Variants in CAMKMT observed in about 807,000 individuals in gnomAD.
CAMKMT encodes the protein CaM KMT.
A neutral mutation model predicts 48.0 loss-of-function variants in CAMKMT; 53 were observed. The ratio of observed to expected loss-of-function variants is 1.10; its 90% CI spans 0.89 to 1.39. The LOEUF (loss-of-function observed/expected upper bound fraction) is 1.39. Among genes scored for constraint, CAMKMT ranks in the 40% most tolerant of loss-of-function variants. The pLI, the probability that CAMKMT is intolerant of heterozygous loss-of-function variation, is 0.00. For missense variants in CAMKMT, 428 were observed against 402.7 expected (o/e 1.06, Z -0.54); for synonymous variants, 165 against 152.3 (o/e 1.08, Z -0.61).
At chr2:44,374,468 C>G (rs1679482395) in intron 2 of CAMKMT, among the ~76,000 whole-genome samples, 1 of 152,134 alleles carries the variant, frequency 6.6e-6, no homozygotes, top group African/African-American at 2.4e-5. Flanking sequence ...GTATAAAGTT[C>G]TAAAACTTAT....
At chr2:44,560,353 C>G (rs1181529862) in intron 3 of CAMKMT, among the ~76,000 whole-genome samples, 1 of 152,220 alleles carries the variant, frequency 6.6e-6, no homozygotes, top group African/African-American at 2.4e-5. Context: ...ATGATCATAG[C>G]TCACTCCTGG....
At chr2:44,595,998 C>G (rs1670632050) in intron 3 of CAMKMT, among the ~76,000 whole-genome samples, 1 of 147,620 alleles carries the variant, frequency 6.8e-6, no homozygotes, top group African/African-American at 2.5e-5. Context: ...AGGTGGGGGA[C>G]TGGGGGAGGA....
chr2:44,405,737 G>A (rs939374652), intron 3 of CAMKMT, among the ~76,000 whole-genome samples: 1 of 152,076 alleles, frequency 6.6e-6, no homozygotes, highest in African/African-American at 2.4e-5. Context: ...GACACAGAAA[G>A]TGATATGCAT....
At chr2:44,669,897 C>T (rs1675232043) in intron 3 of CAMKMT, among the ~76,000 whole-genome samples, 1 of 152,174 alleles carries the variant, frequency 6.6e-6, no homozygotes, top group Admixed American at 6.5e-5. Flanking sequence ...CTCAGCCTCC[C>T]AAAGTGCCAG....
At position 44,485,910 on chromosome 2, in the gene CAMKMT, G is replaced by A. The variant is rs1201765694; in HGVS notation, c.376+95605G>A. 2.0e-5 allele frequency among the ~76,000 whole-genome samples: 3 copies of A among 152,302 alleles called. No individual in the cohort carries two copies. The East Asian group carries it at 5.8e-4, about 29-fold the overall frequency. ...AGGGAACAAGGGAAGCTTCAGGAGT[G>A]CTACTAATATTCCATTTCTTAAACT... On this transcript the variant is annotated intron_variant, in intron 3 of 10. Transcript: ENST00000378494.
chr2:44,558,951 G>GTC (rs1212363507), intron 3 of CAMKMT, among the ~76,000 whole-genome samples: 2 of 89,350 alleles, frequency 2.2e-5, no homozygotes, highest in African/African-American at 7.9e-5. Flanking sequence ...TGGAAAATGT[G>GTC]TCTCTGTGTG....
chr2:44,588,622 G>T (rs1174569881), intron 3 of CAMKMT, among the ~76,000 whole-genome samples: 1 of 42,858 alleles, frequency 2.3e-5, no homozygotes, highest in East Asian at 4.0e-4. Flanking sequence ...CCCCCGCCCG[G>T]CCAGCCGCCC....
rs538153843 is a variant in CAMKMT, at chr2:44,653,187, C to G, written c.377-51096C>G. Among the ~76,000 whole-genome samples the G allele has an allele frequency of 1.1e-4, 16 of 152,216 alleles. No homozygotes were observed. Among genetic ancestry groups the G allele is most frequent in the Non-Finnish European group, 1.9e-4 (13 of 68,014 alleles). ...TTTTTATTATTTCTCACTTCACTAG[C>G]TCGTGAGCTCCTTTAAAGCAAGGGA... On this transcript the variant is annotated intron_variant, in intron 3 of 10. Transcript: ENST00000378494. This position sits in a 1 kb window ranked among gnomAD's most constrained non-coding sequence, Gnocchi z 5.2.
At chr2:44,401,561 A>G (rs956683712) in intron 3 of CAMKMT, among the ~76,000 whole-genome samples, 21 of 152,158 alleles carry the variant, frequency 1.4e-4, no homozygotes, top group African/African-American at 4.8e-4. Context: ...TCAAAAAAAA[A>G]AATAAAATAA....
chr2:44,744,440 C>T (rs1679838724), intron 8 of CAMKMT, among the ~76,000 whole-genome samples: 1 of 152,102 alleles, frequency 6.6e-6, no homozygotes, highest in African/African-American at 2.4e-5. Context: ...ATTATTTCAA[C>T]TAATCTTATG....
chr2:44,407,602 G>A (rs992216288), intron 3 of CAMKMT, among the ~76,000 whole-genome samples: 1 of 152,170 alleles, frequency 6.6e-6, no homozygotes, highest in African/African-American at 2.4e-5. Flanking sequence ...ACTATCTGAT[G>A]TAGCAGTGAA....
intron 3 of CAMKMT, among the ~76,000 whole-genome samples, chr2:44,536,832 CA>C (rs766322897): frequency 5.3e-4 from 80 of 152,214 alleles, no homozygotes; most frequent in Non-Finnish European, 1.0e-3. Flanking sequence ...ACCAATGGAA[CA>C]GAATAGAGAA....
intron 9 of CAMKMT, among the ~76,000 whole-genome samples, chr2:44,756,751 A>AAAAAAG (rs1424610385): frequency 1.9e-3 from 288 of 152,008 alleles, no homozygotes; most frequent in East Asian, 5.8e-3. Context: ...CAAAAAAAAA[A>AAAAAAG]AAAAAGAAAA....
chr2:44,388,037 C>T (rs1173619492), intron 2 of CAMKMT, among the ~76,000 whole-genome samples: 2 of 152,084 alleles, frequency 1.3e-5, no homozygotes, highest in Non-Finnish European at 1.5e-5. Context: ...ATGAATTTCC[C>T]AGAGCTTCTT....
intron 3 of CAMKMT, among the ~76,000 whole-genome samples, chr2:44,683,783 A>G (rs1676163214): frequency 7.5e-6 from 1 of 133,850 alleles, no homozygotes; most frequent in African/African-American, 2.8e-5. Context: ...AGATCGCGCC[A>G]CTGCACACCA....
At chr2:44,532,608 A>G (rs1666546762) in intron 3 of CAMKMT, among the ~76,000 whole-genome samples, 1 of 152,178 alleles carries the variant, frequency 6.6e-6, no homozygotes, top group Non-Finnish European at 1.5e-5. Flanking sequence ...AATGCATAAT[A>G]GCTGTAATAG....
intron 3 of CAMKMT, among the ~76,000 whole-genome samples, chr2:44,690,348 A>G (rs1226559177): frequency 1.3e-5 from 2 of 152,146 alleles, no homozygotes; most frequent in Admixed American, 6.5e-5. Flanking sequence ...GAGCCCAAAT[A>G]TGATTTGTCC....
At chr2:44,450,069 A>G (rs1667211749) in intron 3 of CAMKMT, among the ~76,000 whole-genome samples, 1 of 152,170 alleles carries the variant, frequency 6.6e-6, no homozygotes, top group Admixed American at 6.6e-5. Flanking sequence ...AAGCCATCAC[A>G]CACACTTCAT....
intron 2 of CAMKMT, among the ~76,000 whole-genome samples, chr2:44,380,141 C>A (rs1680092140): frequency 6.6e-6 from 1 of 151,990 alleles, no homozygotes; most frequent in Non-Finnish European, 1.5e-5. Flanking sequence ...AAATAATTAT[C>A]TGCCCCAATG....
Sources: gnomAD v4.1 joint callset for allele counts (sites outside exome capture counted in the v4.1 genomes callset) on GRCh38, gnomAD v4.1.1 for gene constraint, Gnocchi (gnomAD v3.1) non-coding constraint, MANE v1.5 for transcripts, NCBI Gene and HGNC (gene_info 2026-07-23, HGNC 2026-07-21) for gene names.